Variants in SRGAP3 observed in about 807,000 individuals in gnomAD.
SRGAP3 encodes SLIT-ROBO Rho GTPase activating protein 3, also known as SLIT-ROBO Rho GTPase-activating protein 3.
In SRGAP3, 39 loss-of-function variants were observed where a neutral mutation model predicts 121.1. The observed-to-expected ratio is 0.32, with a 90% CI of 0.25 to 0.42. The LOEUF (loss-of-function observed/expected upper bound fraction) is 0.42. Among genes scored for constraint, SRGAP3 ranks in the 10% least tolerant of loss-of-function variants. The probability of loss-of-function intolerance (pLI) is 1.00; values close to 1 mark genes in which losing one functional copy is unlikely to be tolerated. For synonymous variants in SRGAP3, 601 were observed against 570.0 expected (o/e 1.05, Z -0.77); for missense variants, 1,213 against 1,470.6 (o/e 0.82, Z 2.86).
intron 18 of SRGAP3, among the ~76,000 whole-genome samples, chr3:9,001,050 T>G (rs949473746): frequency 1.3e-5 from 2 of 152,060 alleles, no homozygotes; most frequent in African/African-American, 4.8e-5. Flanking sequence ...TCAAAAATAG[T>G]AAGAGCAGAA....
At position 9,196,605 on chromosome 3, in the gene SRGAP3, A is replaced by G. The variant is rs117277002; in HGVS notation, c.67+52280T>C. ...CCAGCCTATCTTTTGTCTTAGAGTT[A>G]CCTCCAATATACAGCATCAATGCTG... On this transcript the variant is annotated intron_variant, in intron 1 of 21. Transcript: ENST00000383836. Among the ~76,000 whole-genome samples the G allele has an allele frequency of 1.4e-3, 216 of 152,284 alleles. 4 individuals are homozygous for G. The East Asian group carries it at 0.034, about 24-fold the overall frequency.
At chr3:9,166,072 A>G (rs925272795) in intron 1 of SRGAP3, among the ~76,000 whole-genome samples, 10 of 151,734 alleles carry the variant, frequency 6.6e-5, no homozygotes, top group Non-Finnish European at 2.9e-5. Flanking sequence ...CTTCTACCCT[A>G]CTCCCCAAAC....
At chr3:9,212,736 G>A (rs183585773) in intron 1 of SRGAP3, among the ~76,000 whole-genome samples, 106 of 152,204 alleles carry the variant, frequency 7.0e-4, no homozygotes, top group African/African-American at 2.5e-3. Flanking sequence ...AAAGAAAGCT[G>A]GAATGACTTC....
chr3:9,058,252 T>A lies in SRGAP3; in HGVS notation c.1022A>T (p.Glu341Val). Residue 341 changes from glutamate (E) to valine (V), a missense_variant and splice_region_variant, in exon 7 of 22, where the codon GAG becomes GTG. Physicochemically the swap from Glu to Val is moderately radical, Grantham distance 121 (BLOSUM62 -2). Transcript: ENST00000383836. ...CCCGGGCTCCAGGAGGAAGCCTACC[T>A]CATCCCCCATGTGGGGCTGGAACTC... ...KFEFQPHMGD[E>V]VCQVSAQQPV... 1 of 1,614,096 alleles carries A rather than the reference T, an allele frequency of 6.2e-7. No homozygotes were observed. The highest frequency in any genetic ancestry group is 8.5e-7 in the Non-Finnish European group (1 of 1,179,998).
chr3:9,044,198 A>G (rs1945146506), intron 10 of SRGAP3, among the ~76,000 whole-genome samples: 1 of 152,328 alleles, frequency 6.6e-6, no homozygotes, highest in Admixed American at 6.5e-5. Flanking sequence ...TCCTTGAGCC[A>G]TCCTGTCAAA....
chr3:8,989,718 C>A (rs1183318464), intron 21 of SRGAP3, among the ~76,000 whole-genome samples: 1 of 152,150 alleles, frequency 6.6e-6, no homozygotes, highest in Admixed American at 6.5e-5. Flanking sequence ...AACTGTTAAA[C>A]AAATCACAGT....
chr3:9,056,438 CAG>C, intron 7 of SRGAP3, 104 bp from the exon 8 acceptor site: 11 of 1,254,808 alleles, frequency 8.8e-6, no homozygotes, highest in Non-Finnish European at 1.1e-5. Flanking sequence ...GTCCAGGAAA[CAG>C]GGGCTCGGAA....
At chr3:9,029,873 G>A (rs1944390481) in intron 12 of SRGAP3, among the ~76,000 whole-genome samples, 1 of 152,168 alleles carries the variant, frequency 6.6e-6, no homozygotes, top group Admixed American at 6.5e-5. Context: ...CAAGTGCAGT[G>A]GCGCATGCCT....
At chr3:9,285,004 C>A (rs960206962) in intron 3 of SRGAP3, among the ~76,000 whole-genome samples, 1 of 152,048 alleles carries the variant, frequency 6.6e-6, no homozygotes, top group African/African-American at 2.4e-5. Context: ...CAGATATCTG[C>A]AAACTGAATA....
intron 1 of SRGAP3, among the ~76,000 whole-genome samples, chr3:9,132,040 A>G (rs1405834426): frequency 6.6e-6 from 1 of 152,124 alleles, no homozygotes; most frequent in African/African-American, 2.4e-5. Flanking sequence ...TGCTCCTCAC[A>G]ACCACAACCT....
At chr3:9,025,219 C>T in intron 14 of SRGAP3, 42 bp downstream of exon 14, 2 of 1,606,828 alleles carry the variant, frequency 1.2e-6, no homozygotes, top group Non-Finnish European at 1.7e-6. Flanking sequence ...TTCACCCTGG[C>T]TTCCCCTGGC....
intron 8 of SRGAP3, among the ~76,000 whole-genome samples, chr3:9,055,319 T>TC (rs1182920895): frequency 6.6e-6 from 1 of 152,068 alleles, no homozygotes; most frequent in Non-Finnish European, 1.5e-5. Flanking sequence ...TCTTCCCACC[T>TC]CCCCCATGAC....
At chr3:9,032,446 C>T (rs542976865) in intron 12 of SRGAP3, among the ~76,000 whole-genome samples, 15 of 152,288 alleles carry the variant, frequency 9.8e-5, no homozygotes, top group Admixed American at 3.9e-4. Flanking sequence ...CTGAGAATTG[C>T]GCAGGGCACT....
rs1348945653 is a variant in SRGAP3, at chr3:9,356,341, A to G, written n.214+6499T>C. On this transcript the variant is annotated intron_variant and non_coding_transcript_variant, in intron 1 of 3. Transcript: ENST00000490889. ...TAAGTAGCTGGGACCACAGGTATGC[A>G]CTATCATGGCCAGCTAATTTTTTTT... 4.4e-5 allele frequency among the ~76,000 whole-genome samples: 6 copies of G among 136,952 alleles called. No individual in the cohort carries two copies. The South Asian group carries it at 1.4e-3, about 32-fold the overall frequency. 89.8% of individuals were successfully genotyped at this position (136,952 alleles called of 152,430 possible).
chr3:9,189,466 T>C (rs1349514442), intron 1 of SRGAP3, among the ~76,000 whole-genome samples: 1 of 152,324 alleles, frequency 6.6e-6, no homozygotes, highest in East Asian at 1.9e-4. Context: ...GCCTGAAAAT[T>C]GGACTCCTCC....
At chr3:9,037,986 T>C (rs2125110096) in intron 11 of SRGAP3, 77 bp downstream of exon 11, 2 of 1,594,880 alleles carry the variant, frequency 1.3e-6, no homozygotes, top group Non-Finnish European at 1.7e-6. Flanking sequence ...CTCCAGCTCC[T>C]GGCAGTGCCT....
intron 3 of SRGAP3, among the ~76,000 whole-genome samples, chr3:9,288,765 G>C (rs1954825564): frequency 6.6e-6 from 1 of 151,242 alleles, no homozygotes; most frequent in South Asian, 2.1e-4. Flanking sequence ...TGTAGAGACA[G>C]GGGTTCCACT....
intron 1 of SRGAP3, among the ~76,000 whole-genome samples, chr3:9,172,776 C>G (rs1951030514): frequency 6.6e-6 from 1 of 152,214 alleles, no homozygotes; most frequent in South Asian, 2.1e-4. Flanking sequence ...CCTCCACTGA[C>G]AGTAACAGAG....
At chr3:9,273,753 A>C (rs1235141674) in intron 3 of SRGAP3, among the ~76,000 whole-genome samples, 1 of 151,814 alleles carries the variant, frequency 6.6e-6, no homozygotes, top group African/African-American at 2.4e-5. Context: ...ATTTGGAGTT[A>C]ATTTTTGTAT....
Sources: allele counts gnomAD v4.1 joint callset (sites outside exome capture counted in the v4.1 genomes callset), GRCh38; gene constraint gnomAD v4.1.1; transcripts MANE v1.5; gene names NCBI Gene and HGNC (gene_info 2026-07-23, HGNC 2026-07-21).